Variants in SYNE2 observed in about 807,000 individuals in gnomAD.
The protein encoded by SYNE2 is nesprin-2.
Under a neutral mutation model 856.3 loss-of-function variants are expected in SYNE2, and 431 were observed. That is an observed-to-expected ratio of 0.50 (90% CI 0.47 to 0.55). The LOEUF (loss-of-function observed/expected upper bound fraction) is 0.55, where lower values mean the gene tolerates loss of function less well. Ranked by LOEUF, SYNE2 falls within the 20% of genes least tolerant of loss-of-function variation. The pLI is 0.00. For missense variants in SYNE2, 8,129 were observed against 8,023.2 expected, an observed-to-expected ratio of 1.01 and a Z score of -0.50; for synonymous variants, 2,923 against 2,872.3, an observed-to-expected ratio of 1.02 and a Z score of -0.56.
In SYNE2 at chr14:64,053,317, A is replaced by G. The variant is rs376121197; in HGVS notation, c.9404A>G (p.Lys3135Arg). ...LNAEENDKLY[K>R]VLQNMVLELS... ...GCAGAAGAAAATGATAAGTTATACA[A>G]AGTTCTCCAAAACATGGTATTAGAA... Residue 3135 changes from lysine to arginine, a missense_variant, in exon 48 of 116, where the codon AAA (lysine) becomes AGA (arginine). Around this residue, in one of 3 missense-constraint regions of SYNE2, gnomAD observed 5,410 missense variants for 5,284.8 expected, o/e 1.02. Transcript: ENST00000555002. 233 of 1,610,926 alleles carry G rather than the reference A, an allele frequency of 1.4e-4. 1 individual carries two copies. Among genetic ancestry groups the G allele is most frequent in the Non-Finnish European group, 1.9e-4 (223 of 1,179,340 alleles).
At chr14:63,831,624 C>T (rs539691816) in intron 1 of SYNE2, among the ~76,000 whole-genome samples, 6 of 137,588 alleles carry the variant, frequency 4.4e-5, no homozygotes, top group South Asian at 4.6e-4. Flanking sequence ...GGCACAATCT[C>T]GGCTCACTGA....
intron 61 of SYNE2, 72 bp from the exon 62 acceptor site, chr14:64,097,877 A>G: frequency 1.3e-6 from 2 of 1,486,568 alleles, no homozygotes; most frequent in Non-Finnish European, 1.9e-6. Flanking sequence ...CTTGTACCAA[A>G]GGAAGCAGGC....
chr14:63,886,655 A>G (rs1309591143), intron 1 of SYNE2, among the ~76,000 whole-genome samples: 1 of 152,062 alleles, frequency 6.6e-6, no homozygotes, highest in Non-Finnish European at 1.5e-5. Flanking sequence ...GTTTTAAATG[A>G]TATGGACTAT....
Position 64,007,142 on chromosome 14 carries a change from TG to T in SYNE2, c.4499del (p.Gly1500AlafsTer6). The T allele has an allele frequency of 6.2e-7, 1 of 1,613,970 alleles. No homozygotes were observed. Among genetic ancestry groups the T allele is most frequent in the Non-Finnish European group, 8.5e-7 (1 of 1,179,928 alleles). ...MANSLPHFKD[G>X]REKTVNQQCQ... ...CTAATTCTCTTCCACACTTCAAAGA[TG>T]GCAGAGAAAAAACCGTGAATCAACA... On this transcript the variant is annotated frameshift_variant, in exon 31 of 116. Transcript: ENST00000555002. LOFTEE classifies it high-confidence loss of function.
chr14:63,988,410 A>G (rs980869988), intron 19 of SYNE2, among the ~76,000 whole-genome samples: 1 of 151,888 alleles, frequency 6.6e-6, no homozygotes, highest in African/African-American at 2.4e-5. Flanking sequence ...GTACCTTTCT[A>G]TTGTTTTTCA....
intron 1 of SYNE2, among the ~76,000 whole-genome samples, chr14:63,780,598 A>G (rs1342412580): frequency 6.6e-6 from 1 of 152,212 alleles, no homozygotes; most frequent in Non-Finnish European, 1.5e-5. Flanking sequence ...ATAGGCTGAG[A>G]AAATTGTAAG....
Position 64,068,415 on chromosome 14 carries a change from A to G in SYNE2, c.10432-2230A>G, listed in dbSNP as rs531257850. Among the ~76,000 whole-genome samples, 129 of 152,188 alleles carry G rather than the reference A, an allele frequency of 8.5e-4. 2 individuals carry two copies. The South Asian group carries it at 0.023, about 27-fold the overall frequency. On this transcript the variant is annotated intron_variant, in intron 51 of 115. Transcript: ENST00000555002. The stretch of plus-strand genomic sequence containing the variant: ...CCTTTTGAGTTTACTTTTTTTCACT[A>G]AGCATAATGCACTTGAAATTCTTGC...
At chr14:63,954,625 G>C (rs2096216348) in intron 7 of SYNE2, 94 bp from the exon 8 acceptor site, 1 of 1,194,196 alleles carries the variant, frequency 8.4e-7, no homozygotes, top group Non-Finnish European at 1.2e-6. Context: ...TAATTTACTT[G>C]ATTTGCCAAA....
intron 82 of SYNE2, 62 bp downstream of exon 82, chr14:64,142,150 A>G: frequency 1.3e-6 from 2 of 1,588,432 alleles, no homozygotes; most frequent in East Asian, 2.2e-5. Flanking sequence ...CAGAGGGGTA[A>G]TGCTGGACAA....
At chr14:63,846,725 T>A (rs757129342) in intron 1 of SYNE2, among the ~76,000 whole-genome samples, 1 of 152,044 alleles carries the variant, frequency 6.6e-6, no homozygotes, top group Middle Eastern at 3.4e-3. Flanking sequence ...GCCTCCTGAG[T>A]AGCTGGGACT....
intron 2 of SYNE2, among the ~76,000 whole-genome samples, chr14:63,928,401 G>A (rs990995471): frequency 6.6e-5 from 10 of 152,234 alleles, no homozygotes; most frequent in East Asian, 5.8e-4. Flanking sequence ...TATCAGTTAT[G>A]TTAGCCAGGA....
intron 27 of SYNE2, 77 bp from the exon 28 acceptor site, chr14:64,000,485 G>C: frequency 7.5e-7 from 1 of 1,335,562 alleles, no homozygotes; most frequent in Non-Finnish European, 1.1e-6. Context: ...GTTGGTGAAT[G>C]TCTCATGTTT....
chr14:64,047,192 G>C (rs924595835), intron 45 of SYNE2, among the ~76,000 whole-genome samples: 3 of 152,224 alleles, frequency 2.0e-5, no homozygotes, highest in Non-Finnish European at 4.4e-5. Flanking sequence ...GGAAGCTGGA[G>C]GGGGGATGGG....
At chr14:63,906,829 A>G (rs573232486) in intron 1 of SYNE2, among the ~76,000 whole-genome samples, 1 of 152,358 alleles carries the variant, frequency 6.6e-6, no homozygotes, top group South Asian at 2.1e-4. Context: ...GGTAGTTTGT[A>G]AATGACAGAA....
At chr14:63,775,745 C>A (rs1372711672) in intron 1 of SYNE2, among the ~76,000 whole-genome samples, 2 of 152,072 alleles carry the variant, frequency 1.3e-5, no homozygotes, top group Non-Finnish European at 1.5e-5. Flanking sequence ...CCGCCCCTGG[C>A]TAATTTTGTT....
At chr14:64,088,765 A>T (rs770084344) in intron 58 of SYNE2, among the ~76,000 whole-genome samples, 17 of 152,106 alleles carry the variant, frequency 1.1e-4, no homozygotes, top group Non-Finnish European at 2.5e-4. Context: ...CACATAGTAG[A>T]GGCAATTAAA....
chr14:64,023,482 C>T (rs1403396809), intron 38 of SYNE2: 1 of 152,414 alleles, frequency 6.6e-6, no homozygotes, highest in Non-Finnish European at 1.5e-5. Flanking sequence ...AAATAAAGAC[C>T]TAATTTGGAC....
chr14:63,911,429 G>A (rs2095472352), intron 2 of SYNE2, among the ~76,000 whole-genome samples: 1 of 152,030 alleles, frequency 6.6e-6, no homozygotes. Flanking sequence ...CCCACAGCAG[G>A]GGACATTTTG....
At chr14:63,802,552 AT>A (rs1888180752) in intron 1 of SYNE2, among the ~76,000 whole-genome samples, 1 of 152,240 alleles carries the variant, frequency 6.6e-6, no homozygotes, top group Non-Finnish European at 1.5e-5. Context: ...ATGTTTTAAA[AT>A]GTGAGAAGAA....
Sources: gnomAD v4.1 joint callset for allele counts (sites outside exome capture counted in the v4.1 genomes callset) on GRCh38, gnomAD v4.1.1 for gene constraint, gnomAD v4.1.1 regional missense constraint, MANE v1.5 for transcripts, NCBI Gene and HGNC (gene_info 2026-07-23, HGNC 2026-07-21) for gene names.